The following NEGR1 variants were observed in gnomAD, a reference collection of about 807,000 sequenced individuals.
NEGR1 encodes neuronal growth regulator 1.
Under a neutral mutation model 40.9 loss-of-function variants are expected in NEGR1, and 10 were observed. The observed-to-expected ratio is 0.24, with a 90% CI of 0.15 to 0.42. NEGR1 has a LOEUF of 0.42. NEGR1 is among the 10% of genes least tolerant of loss of function. The pLI, the probability that NEGR1 is intolerant of heterozygous loss-of-function variation, is 1.00. For missense variants in NEGR1, 352 were observed against 438.9 expected (o/e 0.80, Z 1.77); for synonymous variants, 185 against 166.8 (o/e 1.11, Z -0.84).
At chr1:72,128,219 A>G (rs1284068677) in intron 1 of NEGR1, among the ~76,000 whole-genome samples, 1 of 152,196 alleles carries the variant, frequency 6.6e-6, no homozygotes, top group Non-Finnish European at 1.5e-5. Context: ...AAAAACTAAG[A>G]TTGTATTATA....
intron 2 of NEGR1, among the ~76,000 whole-genome samples, chr1:71,845,900 C>A (rs1570424770): frequency 6.9e-6 from 1 of 144,826 alleles, no homozygotes; most frequent in East Asian, 2.1e-4. Context: ...GCTAGGACTA[C>A]AAGGGCATGC....
At chr1:72,195,203 C>T (rs576460968) in intron 1 of NEGR1, among the ~76,000 whole-genome samples, 25 of 152,094 alleles carry the variant, frequency 1.6e-4, no homozygotes, top group African/African-American at 5.8e-4. Context: ...AACAAAAGTA[C>T]ATTAGAAAAG....
intron 1 of NEGR1, among the ~76,000 whole-genome samples, chr1:72,145,718 T>C (rs969297412): frequency 1.8e-4 from 27 of 152,280 alleles, no homozygotes; most frequent in African/African-American, 6.3e-4. Context: ...TTTCTCTGAA[T>C]GATTCCACTC....
chr1:71,586,283 T>G (rs1649303283), intron 6 of NEGR1, among the ~76,000 whole-genome samples: 1 of 152,110 alleles, frequency 6.6e-6, no homozygotes, highest in Non-Finnish European at 1.5e-5. Flanking sequence ...AAAAAACTGG[T>G]TTAGACAAGA....
intron 4 of NEGR1, among the ~76,000 whole-genome samples, chr1:71,665,731 A>G (rs1421167562): frequency 6.6e-6 from 1 of 152,116 alleles, no homozygotes; most frequent in African/African-American, 2.4e-5. Flanking sequence ...GTGGAGCGCC[A>G]TTTATTTGGA....
chr1:71,896,962 A>G (rs1463915727), intron 2 of NEGR1, among the ~76,000 whole-genome samples: 1 of 152,146 alleles, frequency 6.6e-6, no homozygotes, highest in Non-Finnish European at 1.5e-5. Context: ...AAAGATGACA[A>G]TGTAATAAGC....
chr1:72,143,914 A>ATATATATAATATATATATATATATATAT (rs1491498187), intron 1 of NEGR1, among the ~76,000 whole-genome samples: 3 of 130,614 alleles, frequency 2.3e-5, no homozygotes, highest in African/African-American at 8.9e-5. Flanking sequence ...TGATATATAT[A>ATATATATAATATATATATATATATATAT]ATATATATAT....
At chr1:71,587,315 G>A (rs1346091280) in intron 6 of NEGR1, among the ~76,000 whole-genome samples, 4 of 152,052 alleles carry the variant, frequency 2.6e-5, no homozygotes, top group African/African-American at 4.8e-5. Flanking sequence ...TCTAACCAGG[G>A]AAAAACAGTT....
intron 1 of NEGR1, among the ~76,000 whole-genome samples, chr1:72,043,563 A>G (rs1469065613): frequency 1.3e-5 from 2 of 151,962 alleles, no homozygotes. Flanking sequence ...GTAAAATCAC[A>G]TTGGATTAAA....
At chr1:71,780,152 C>T (rs962345920) in intron 2 of NEGR1, among the ~76,000 whole-genome samples, 3 of 150,978 alleles carry the variant, frequency 2.0e-5, no homozygotes, top group Non-Finnish European at 4.4e-5. Context: ...CAGACTCCCT[C>T]ACATCCTTTT....
intron 2 of NEGR1, among the ~76,000 whole-genome samples, chr1:71,884,575 A>G (rs1217465677): frequency 6.6e-6 from 1 of 152,200 alleles, no homozygotes; most frequent in Non-Finnish European, 1.5e-5. Flanking sequence ...CTCAAATATC[A>G]TATGCACCTT....
chr1:71,430,917 G>A (rs1335545728), intron 6 of NEGR1, among the ~76,000 whole-genome samples: 1 of 151,762 alleles, frequency 6.6e-6, no homozygotes, highest in Admixed American at 6.6e-5. Context: ...CCACCACCGG[G>A]CCCGACTAAT....
chr1:71,452,612 G>C (rs540192957), intron 6 of NEGR1, among the ~76,000 whole-genome samples: 31 of 152,158 alleles, frequency 2.0e-4, no homozygotes, highest in Non-Finnish European at 3.5e-4. Context: ...TAGTGATTTG[G>C]AAGCCTGTTT....
intron 1 of NEGR1, among the ~76,000 whole-genome samples, chr1:72,258,900 C>T (rs1463863323): frequency 6.6e-6 from 1 of 152,006 alleles, no homozygotes; most frequent in Non-Finnish European, 1.5e-5. Context: ...AGCTACATGA[C>T]GTTGGTCATC....
At chr1:71,608,434 A>C (rs542640094) in intron 5 of NEGR1, among the ~76,000 whole-genome samples, 1 of 151,408 alleles carries the variant, frequency 6.6e-6, no homozygotes, top group Non-Finnish European at 1.5e-5. Context: ...GATTGTGGGC[A>C]CCAATTGGCC....
intron 1 of NEGR1, among the ~76,000 whole-genome samples, chr1:72,192,149 T>A (rs1282327496): frequency 1.3e-5 from 2 of 151,908 alleles, no homozygotes; most frequent in African/African-American, 4.8e-5. Context: ...TAGAGCTATG[T>A]AAGGACTATA....
At chr1:72,260,990 T>C (rs922116053) in intron 1 of NEGR1, among the ~76,000 whole-genome samples, 5 of 152,098 alleles carry the variant, frequency 3.3e-5, no homozygotes, top group African/African-American at 9.6e-5. Flanking sequence ...GATATAGTTA[T>C]GGCTTTTGTT....
chr1:71,559,763 C>G (rs1006848893), intron 6 of NEGR1, among the ~76,000 whole-genome samples: 2 of 151,364 alleles, frequency 1.3e-5, no homozygotes, highest in Non-Finnish European at 3.0e-5. Flanking sequence ...ATCTAATACT[C>G]AGCAGAACAC....
At chr1:71,830,381 T>C (rs1050673226) in intron 2 of NEGR1, among the ~76,000 whole-genome samples, 1 of 151,886 alleles carries the variant, frequency 6.6e-6, no homozygotes, top group African/African-American at 2.4e-5. Flanking sequence ...ACTATTCAAT[T>C]CTGCTATTGT....
Sources: gnomAD v4.1 joint callset for allele counts (sites outside exome capture counted in the v4.1 genomes callset) on GRCh38, gnomAD v4.1.1 for gene constraint, MANE v1.5 for transcripts, NCBI Gene and HGNC (gene_info 2026-07-23, HGNC 2026-07-21) for gene names.